The following RABGAP1L variants were observed in gnomAD, a reference collection of about 807,000 sequenced individuals.
RABGAP1L encodes the protein rab GTPase-activating protein 1-like.
Under a neutral mutation model 137.7 loss-of-function variants are expected in RABGAP1L, and 63 were observed. That is an observed-to-expected ratio of 0.46 (90% confidence interval 0.37 to 0.56). The LOEUF (loss-of-function observed/expected upper bound fraction) is 0.56, where lower values mean the gene tolerates loss of function less well. RABGAP1L is among the 20% of genes least tolerant of loss of function. RABGAP1L has a pLI of 0.00. For synonymous variants in RABGAP1L, 431 were observed against 433.7 expected, an observed-to-expected ratio of 0.99 and a Z score of 0.08; for missense variants, 1,095 against 1,244.0, an observed-to-expected ratio of 0.88 and a Z score of 1.80.
At chr1:174,832,216 C>G (rs1692177773) in intron 19 of RABGAP1L, among the ~76,000 whole-genome samples, 1 of 146,520 alleles carries the variant, frequency 6.8e-6, no homozygotes, top group African/African-American at 2.5e-5. Context: ...TCGCTTGAAC[C>G]CGGGAGGTGG....
At chr1:174,340,493 G>A (rs1281027155) in intron 11 of RABGAP1L, among the ~76,000 whole-genome samples, 3 of 152,030 alleles carry the variant, frequency 2.0e-5, no homozygotes, top group Non-Finnish European at 2.9e-5. Flanking sequence ...TATTCTCATC[G>A]TTCAGCTTCC....
At chr1:174,475,771 T>TAAA (rs2149318376) in intron 13 of RABGAP1L, among the ~76,000 whole-genome samples, 1 of 61,712 alleles carries the variant, frequency 1.6e-5, no homozygotes, top group Admixed American at 1.9e-4. Context: ...ACCCCGTGTC[T>TAAA]TAAAAAAAAA....
At chr1:174,874,578 CTTTTTTTTTTTTTTTT>C (rs10530813) in intron 19 of RABGAP1L, 3 of 232,812 alleles carry the variant, frequency 1.3e-5, no homozygotes, top group East Asian at 8.3e-4. Context: ...ACACCACTGC[CTTTTTTTTTTTTTTTT>C]TTTTTTTTTC....
At chr1:174,964,363 T>A (rs1669431055) in intron 20 of RABGAP1L, among the ~76,000 whole-genome samples, 1 of 152,212 alleles carries the variant, frequency 6.6e-6, no homozygotes, top group Non-Finnish European at 1.5e-5. Context: ...CGTCATTTTT[T>A]CCTTTAAAGC....
intron 13 of RABGAP1L, among the ~76,000 whole-genome samples, chr1:174,411,025 A>G (rs903368445): frequency 2.0e-5 from 3 of 151,940 alleles, no homozygotes; most frequent in Admixed American, 2.0e-4. Context: ...TGTGTTCTTG[A>G]TTTGGCTCTC....
intron 17 of RABGAP1L, among the ~76,000 whole-genome samples, chr1:174,717,396 G>A (rs147104724): frequency 1.6e-3 from 247 of 152,208 alleles, no homozygotes; most frequent in African/African-American, 5.6e-3. Context: ...GCAACAGAAC[G>A]AGATTCCTGT....
chr1:174,936,962 A>G (rs1664900324), intron 19 of RABGAP1L, among the ~76,000 whole-genome samples: 1 of 146,512 alleles, frequency 6.8e-6, no homozygotes, highest in African/African-American at 2.6e-5. Flanking sequence ...CATAATTTTT[A>G]TAAGATTAAT....
intron 1 of RABGAP1L, among the ~76,000 whole-genome samples, chr1:174,161,474 A>T (rs1481713855): frequency 6.6e-6 from 1 of 152,116 alleles, no homozygotes; most frequent in Non-Finnish European, 1.5e-5. Flanking sequence ...TGCTGACCTC[A>T]GGTGATCTGC....
At chr1:174,651,664 C>G (rs551875612) in intron 14 of RABGAP1L, among the ~76,000 whole-genome samples, 18 of 152,090 alleles carry the variant, frequency 1.2e-4, no homozygotes, top group African/African-American at 4.3e-4. Context: ...CAACCCCTGC[C>G]TTTTTTTGTT....
chr1:174,632,165 C>T (rs1673452731), intron 13 of RABGAP1L, among the ~76,000 whole-genome samples: 1 of 117,694 alleles, frequency 8.5e-6, no homozygotes, highest in Admixed American at 8.6e-5. Context: ...CTTAGTTTGG[C>T]TGGATATGAA....
intron 13 of RABGAP1L, among the ~76,000 whole-genome samples, chr1:174,482,361 T>A (rs1394749228): frequency 6.6e-6 from 1 of 152,232 alleles, no homozygotes; most frequent in Non-Finnish European, 1.5e-5. Flanking sequence ...TTCCAAGACT[T>A]GCTTAATTCC....
In RABGAP1L at chr1:174,887,612, T is replaced by TG. The variant is rs36031364; in HGVS notation, c.2341-69835dup. ...TATAGCCCAGGGATTTGCAAAAACT[T>TG]GGGGGGGGGGTCATGGATTCCTTTG... On this transcript the variant is annotated intron_variant, in intron 19 of 25. Transcript: ENST00000681986. Among the ~76,000 whole-genome samples the TG allele has an allele frequency of 3.4e-3, 505 of 149,686 alleles. 1 individual carries two copies. The highest frequency in any genetic ancestry group is 0.024 in the Middle Eastern group (7 of 288).
chr1:174,682,232 G>T (rs192066484), intron 14 of RABGAP1L, among the ~76,000 whole-genome samples: 2 of 151,606 alleles, frequency 1.3e-5, no homozygotes, highest in African/African-American at 2.4e-5. Context: ...AGTGAGCTGA[G>T]ATCGTGCCAT....
At chr1:174,771,514 G>T (rs1686111714) in intron 18 of RABGAP1L, among the ~76,000 whole-genome samples, 1 of 151,968 alleles carries the variant, frequency 6.6e-6, no homozygotes, top group Non-Finnish European at 1.5e-5. Flanking sequence ...AAAATTAGGA[G>T]CAAAGGAATA....
intron 20 of RABGAP1L, among the ~76,000 whole-genome samples, chr1:174,963,709 TA>T (rs2149354826): frequency 6.6e-6 from 1 of 152,156 alleles, no homozygotes; most frequent in African/African-American, 2.4e-5. Context: ...CCAGTTTTTG[TA>T]AACCAAGTTT....
chr1:174,322,070 T>C (rs1449477428), intron 11 of RABGAP1L, among the ~76,000 whole-genome samples: 1 of 152,168 alleles, frequency 6.6e-6, no homozygotes, highest in African/African-American at 2.4e-5. Flanking sequence ...TTTTGAAGAG[T>C]AAAAGTTTAA....
intron 13 of RABGAP1L, among the ~76,000 whole-genome samples, chr1:174,503,234 G>A (rs1661490061): frequency 6.6e-6 from 1 of 152,140 alleles, no homozygotes; most frequent in South Asian, 2.1e-4. Flanking sequence ...CAGCTGCTCT[G>A]GTGCCACTAT....
intron 19 of RABGAP1L, among the ~76,000 whole-genome samples, chr1:174,879,182 C>G (rs937847216): frequency 6.6e-6 from 1 of 151,340 alleles, no homozygotes; most frequent in Non-Finnish European, 1.5e-5. Flanking sequence ...ATCACTGCAA[C>G]CTCCGCCTCC....
intron 13 of RABGAP1L, among the ~76,000 whole-genome samples, chr1:174,492,928 TC>T (rs1167074484): frequency 2.0e-5 from 3 of 152,012 alleles, no homozygotes; most frequent in Non-Finnish European, 4.4e-5. Context: ...ACCTTGTACT[TC>T]CACCGTAGCC....
Sources: gnomAD v4.1 joint callset for allele counts (sites outside exome capture counted in the v4.1 genomes callset) on GRCh38, gnomAD v4.1.1 for gene constraint, MANE v1.5 for transcripts, NCBI Gene and HGNC (gene_info 2026-07-23, HGNC 2026-07-21) for gene names.